The following ZNF732 variants were observed in gnomAD, a reference collection of about 807,000 sequenced individuals.
ZNF732 encodes the protein zinc finger protein 732, also known as zinc finger protein LOC654254.
Under a neutral mutation model 11.5 loss-of-function variants are expected in ZNF732, and 12 were observed. That is an observed-to-expected ratio of 1.05 (90% CI 0.67 to 1.70). The LOEUF (loss-of-function observed/expected upper bound fraction) is 1.70, where lower values mean the gene tolerates loss of function less well. ZNF732 is among the 40% of genes most tolerant of loss of function. ZNF732 has a pLI of 0.00. For missense variants in ZNF732, 702 were observed against 676.9 expected, an observed-to-expected ratio of 1.04 and a Z score of -0.41; for synonymous variants, 231 against 236.5, an observed-to-expected ratio of 0.98 and a Z score of 0.21.
rs1429639401 is a variant in ZNF732, at chr4:293,087, A to C, written c.226+2351T>G. On this transcript the variant is annotated intron_variant, in intron 3 of 3. Coordinates refer to ENST00000419098, the MANE Select transcript of ZNF732 (RefSeq NM_001137608.3). ...CATCTCAAAAAAAAAAAAAAAAAAA[A>C]AAAACCAGTAAGAAATAAAAATGGA... Among the ~76,000 whole-genome samples the C allele has an allele frequency of 2.9e-3, 428 of 146,956 alleles. 4 individuals are homozygous for C. Among genetic ancestry groups the C allele is most frequent in the African/African-American group, 0.01 (407 of 40,250 alleles).
chr4:302,309 GAAGT>G (rs1290354811), intron 1 of ZNF732, among the ~76,000 whole-genome samples: 2 of 152,116 alleles, frequency 1.3e-5, no homozygotes, highest in Non-Finnish European at 2.9e-5. Context: ...CAATAATAGA[GAAGT>G]AAGAAAATGT....
chr4:290,508 C>G (rs1463769402), intron 3 of ZNF732, among the ~76,000 whole-genome samples: 1 of 152,084 alleles, frequency 6.6e-6, no homozygotes, highest in Non-Finnish European at 1.5e-5. Context: ...AGCTGTGGTC[C>G]CTGAAGCAGC....
intron 1 of ZNF732, among the ~76,000 whole-genome samples, chr4:301,508 C>T (rs1424387282): frequency 2.0e-5 from 3 of 152,158 alleles, no homozygotes; most frequent in Admixed American, 1.3e-4. Context: ...GAAAACGTGG[C>T]ACATATACAC....
At chr4:280,488 G>C (rs1581535751) in intron 3 of ZNF732, among the ~76,000 whole-genome samples, 1 of 152,192 alleles carries the variant, frequency 6.6e-6, no homozygotes, top group African/African-American at 2.4e-5. Context: ...GGGAGGCTGA[G>C]GCAGGAGAAT....
chr4:286,890 C>T (rs1487243562), intron 3 of ZNF732, among the ~76,000 whole-genome samples: 4 of 152,170 alleles, frequency 2.6e-5, no homozygotes, highest in Admixed American at 6.5e-5. Context: ...CTGTGGTTCA[C>T]GCCTGTAATC....
chr4:287,453 G>A (rs565329940), intron 3 of ZNF732, among the ~76,000 whole-genome samples: 1 of 151,858 alleles, frequency 6.6e-6, no homozygotes, highest in Admixed American at 6.6e-5. Flanking sequence ...GACCTCTGGT[G>A]ATCCACCCGC....
At position 271,304 on chromosome 4, in the gene ZNF732, C is replaced by A; in HGVS notation, c.1553G>T (p.Ser518Ile). 3 of 1,589,134 alleles carry A rather than the reference C, an allele frequency of 1.9e-6. No individual in the cohort carries two copies. The highest frequency in any genetic ancestry group is 4.6e-5 in the East Asian group (2 of 43,712). ...TCCAGTATGAATTTTCTTATGTTTACTCAGGTATGTGGACCATCCAAAGGC... is the reference window on the plus strand; with the variant it reads ...TCCAGTATGAATTTTCTTATGTTTAATCAGGTATGTGGACCATCCAAAGGC... ...GKAFGWSTYL[S>I]KHKKIHTGEK... Residue 518 changes from serine (S) to isoleucine (I), a missense_variant, in exon 4 of 4, where the codon AGT becomes ATT. Ser to Ile is a moderately radical substitution (Grantham distance 142). Coordinates refer to ENST00000419098, the MANE Select transcript of ZNF732 (RefSeq NM_001137608.3).
At chr4:285,368 G>T (rs573159060) in intron 3 of ZNF732, among the ~76,000 whole-genome samples, 14 of 152,328 alleles carry the variant, frequency 9.2e-5, no homozygotes, top group East Asian at 3.9e-4. Flanking sequence ...GCTACTGGAG[G>T]AAACAGGTTA....
rs782244751 is a variant in ZNF732 at position 271,106 on chromosome 4, T to C, written c.1751A>G (p.Lys584Arg). 1.4e-5 allele frequency: 21 copies of C among 1,509,192 alleles called. No homozygotes were observed. Among genetic ancestry groups the C allele is most frequent in the Non-Finnish European group, 1.8e-5 (20 of 1,132,988 alleles). The allele number at this position is 1,509,192 out of a possible 1,614,324, so 93.5% of individuals were successfully genotyped here. A position where few individuals can be genotyped will look rare whatever the true frequency, so the allele number is the denominator to read the frequency against. ...GCCACATTCTTCATATTTCTAGAGT[T>C]TCTCTCCAGTATAAATTTTATTATG... ...NQHNKIYTGE[K>R]L Residue 584 changes from lysine to arginine, a missense_variant, in exon 4 of 4, where the codon AAA (lysine) becomes AGA (arginine). Around this residue, in one of 3 missense-constraint regions of ZNF732, gnomAD observed 94 missense variants for 87.5 expected, o/e 1.07. Coordinates refer to ENST00000419098, the MANE Select transcript of ZNF732 (RefSeq NM_001137608.3).
rs782181510 is a variant in ZNF732 at position 272,269 on chromosome 4, T to C, written c.588A>G (p.Thr196=). 5.6e-6 allele frequency: 9 copies of C among 1,613,258 alleles called. No individual in the cohort carries two copies. The highest frequency in any genetic ancestry group is 3.3e-4 in the Middle Eastern group (2 of 6,082). ...TAAAGTCTTTGCCACATTCTTCACA[T>C]GTGTAGGGTTTCTCTCCAGCATGAA... ...QGIHAGEKPY[T]CEECGKDFKW... The change falls in exon 4 of 4, where the codon ACA becomes ACG. Residue 196 remains threonine, a synonymous_variant. Coordinates refer to ENST00000419098, the MANE Select transcript of ZNF732 (RefSeq NM_001137608.3).
At chr4:299,272 C>A (rs1298255479) in intron 1 of ZNF732, among the ~76,000 whole-genome samples, 1 of 150,244 alleles carries the variant, frequency 6.7e-6, no homozygotes, top group African/African-American at 2.5e-5. Flanking sequence ...TTATTTGGGC[C>A]AAAACTTGAA....
chr4:273,946 T>C (rs1354050698), intron 3 of ZNF732, among the ~76,000 whole-genome samples: 1 of 151,322 alleles, frequency 6.6e-6, no homozygotes, highest in Non-Finnish European at 1.5e-5. Flanking sequence ...ATAAAGACCT[T>C]TCAAGATAAC....
chr4:304,029 G>A (rs1167137073), intron 1 of ZNF732, among the ~76,000 whole-genome samples: 1 of 152,174 alleles, frequency 6.6e-6, no homozygotes, highest in Non-Finnish European at 1.5e-5. Flanking sequence ...AAGCCTGGGT[G>A]GGGGAAGGAA....
At chr4:285,184 G>GT (rs1719705208) in intron 3 of ZNF732, among the ~76,000 whole-genome samples, 2 of 151,776 alleles carry the variant, frequency 1.3e-5, no homozygotes, top group Admixed American at 1.3e-4. Flanking sequence ...TGTTTGTGAG[G>GT]GAAAAAAAAA....
chr4:299,536 T>TAA (rs1553843283), intron 1 of ZNF732, among the ~76,000 whole-genome samples: 1 of 135,844 alleles, frequency 7.4e-6, no homozygotes, highest in African/African-American at 2.8e-5. Flanking sequence ...TATATATACA[T>TAA]ATATACACAT....
chr4:296,480 G>A (rs1285635025), intron 1 of ZNF732, among the ~76,000 whole-genome samples: 1 of 151,922 alleles, frequency 6.6e-6, no homozygotes, highest in Non-Finnish European at 1.5e-5. Context: ...CCTTGGCCTC[G>A]CTGTAATATG....
intron 1 of ZNF732, among the ~76,000 whole-genome samples, chr4:304,700 A>G (rs1720191137): frequency 6.6e-6 from 1 of 152,216 alleles, no homozygotes; most frequent in Non-Finnish European, 1.5e-5. Flanking sequence ...AACTCAGCGA[A>G]GCGCTGTGCG....
At chr4:280,318 G>A (rs932656099) in intron 3 of ZNF732, among the ~76,000 whole-genome samples, 3 of 147,914 alleles carry the variant, frequency 2.0e-5, no homozygotes, top group African/African-American at 4.9e-5. Context: ...ACGGCCAGCT[G>A]CAGTGGCTCA....
At chr4:299,414 TAC>T (rs1280859796) in intron 1 of ZNF732, among the ~76,000 whole-genome samples, 3 of 65,792 alleles carry the variant, frequency 4.6e-5, no homozygotes, top group African/African-American at 1.1e-4. Context: ...TATATATATA[TAC>T]ACATATATAC....
Sources: allele counts gnomAD v4.1 joint callset (sites outside exome capture counted in the v4.1 genomes callset), GRCh38; gene constraint gnomAD v4.1.1; regional missense constraint gnomAD v4.1.1; transcripts MANE v1.5; gene names NCBI Gene and HGNC (gene_info 2026-07-23, HGNC 2026-07-21).